The following OGFOD1 variants were observed in gnomAD, a reference collection of about 807,000 sequenced individuals.
OGFOD1 encodes the protein 2-oxoglutarate and iron dependent oxygenase domain containing 1.
OGFOD1 carries 54 observed loss-of-function variants against 67.7 expected under a neutral mutation model. The ratio of observed to expected loss-of-function variants is 0.80; its 90% CI spans 0.64 to 1.00. OGFOD1 has a LOEUF of 1.00. Among genes scored for constraint, OGFOD1 ranks in the 50% least tolerant of loss-of-function variants. The pLI is 0.00. For missense variants in OGFOD1, 606 were observed against 646.7 expected, an observed-to-expected ratio of 0.94 and a Z score of 0.68; for synonymous variants, 221 against 227.0, an observed-to-expected ratio of 0.97 and a Z score of 0.24.
At position 56,466,932 on chromosome 16, in the gene OGFOD1, GT is replaced by G; in HGVS notation, c.626del (p.Phe209SerfsTer25). ...KSLIPSWNKL[V>X]FFEVSPVSFH... The stretch of plus-strand genomic sequence containing the variant: ...TCTTATCCCTTCGTGGAACAAACTG[GT>G]TTTCTTTGAAGTATCTCCTGTGTCC... On this transcript the variant is annotated frameshift_variant, in exon 6 of 13. Transcript: ENST00000566157. LOFTEE classifies it high-confidence loss of function. 6.2e-7 allele frequency: 1 copy of G among 1,613,852 alleles called. No individual in the cohort carries two copies. Among genetic ancestry groups the G allele is most frequent in the Non-Finnish European group, 8.5e-7 (1 of 1,179,762 alleles).
At chr16:56,466,465 C>T (rs1962904302) in intron 5 of OGFOD1, among the ~76,000 whole-genome samples, 197 bp downstream of exon 5, 1 of 152,154 alleles carries the variant, frequency 6.6e-6, no homozygotes, top group African/African-American at 2.4e-5. Context: ...TTAAAAATGA[C>T]TCCAGAGATC....
chr16:56,454,834 A>G (rs1175428117), intron 2 of OGFOD1: 1 of 423,182 alleles, frequency 2.4e-6, no homozygotes. Flanking sequence ...TTTGGACCTT[A>G]TACACATGAC....
At chr16:56,467,035 G>T in intron 6 of OGFOD1, 68 bp downstream of exon 6, 1 of 1,538,684 alleles carries the variant, frequency 6.5e-7, no homozygotes, top group South Asian at 1.1e-5. Flanking sequence ...ATCCAAACAT[G>T]ACAGCTTCCT....
Position 56,467,747 on chromosome 16 carries a change from T to TCA in OGFOD1, c.787-158_787-157insCA, listed in dbSNP as rs575895456. ...CGGCCTACACTTTTCTTAAGTAAAC[T>TCA]TTTGAGAGTGTCTTTCTCAAGCAGA... On this transcript the variant is annotated intron_variant, in intron 7 of 12. Transcript: ENST00000566157. 2.0e-3 allele frequency among the ~76,000 whole-genome samples: 301 copies of TCA among 152,246 alleles called. 2 individuals are homozygous for TCA. The highest frequency in any genetic ancestry group is 0.018 in the Admixed American group (272 of 15,286).
At position 56,470,061 on chromosome 16, in the gene OGFOD1, G is replaced by C. The variant is rs1477147854; in HGVS notation, c.959G>C (p.Ser320Thr). The change falls in exon 9 of 13, where the codon AGC (serine) becomes ACC (threonine). Residue 320 changes from serine (S) to threonine (T), a missense_variant. Physicochemically the swap from Ser to Thr is moderately conservative, Grantham distance 58 (BLOSUM62 1). Coordinates refer to ENST00000566157, the MANE Select transcript of OGFOD1 (RefSeq NM_018233.4). ...GAGCATGGACATGTGGAATGGAGCA[G>C]CCGAGGTCCCCCTAACAAAAGGTAG... ...ALEHGHVEWS[S>T]RGPPNKRFYE... 1.2e-6 allele frequency: 2 copies of C among 1,613,938 alleles called. No individual in the cohort carries two copies. Among genetic ancestry groups the C allele is most frequent in the Non-Finnish European group, 1.7e-6 (2 of 1,179,982 alleles).
chr16:56,463,921 T>C (rs1386859161), intron 4 of OGFOD1, among the ~76,000 whole-genome samples: 1 of 152,190 alleles, frequency 6.6e-6, no homozygotes, highest in Non-Finnish European at 1.5e-5. Flanking sequence ...GAAATTTACG[T>C]TGATGCCTTA....
chr16:56,457,156 A>G (rs192178391), intron 2 of OGFOD1, among the ~76,000 whole-genome samples: 2 of 152,384 alleles, frequency 1.3e-5, no homozygotes, highest in African/African-American at 4.8e-5. Context: ...TAGCAGCTTT[A>G]TAATTGCCAA....
chr16:56,457,137 A>C (rs576184343), intron 2 of OGFOD1, among the ~76,000 whole-genome samples: 63 of 152,392 alleles, frequency 4.1e-4, no homozygotes, highest in African/African-American at 1.5e-3. Context: ...ACTTGTGCAC[A>C]AATGTTCATA....
intron 10 of OGFOD1, 66 bp from the exon 11 acceptor site, chr16:56,474,762 C>T: frequency 7.5e-7 from 1 of 1,337,242 alleles, no homozygotes; most frequent in East Asian, 2.4e-5. Context: ...ATTATGATTC[C>T]CTTGCAATCC....
At chr16:56,454,688 ATTT>A in intron 2 of OGFOD1, 2 of 317,684 alleles carry the variant, frequency 6.3e-6, no homozygotes, top group South Asian at 2.4e-5. Context: ...ATGAAGAATA[ATTT>A]TTTTTTTTGC....
chr16:56,465,290 G>A (rs1962857973), intron 4 of OGFOD1, among the ~76,000 whole-genome samples: 2 of 152,090 alleles, frequency 1.3e-5, no homozygotes, highest in South Asian at 2.1e-4. Flanking sequence ...GTGAGCCACC[G>A]TGCCCGGCCT....
chr16:56,454,313 A>T (rs1412158963), intron 2 of OGFOD1, among the ~76,000 whole-genome samples: 1 of 152,116 alleles, frequency 6.6e-6, no homozygotes, highest in African/African-American at 2.4e-5. Flanking sequence ...ACATCATTGC[A>T]CTCCAACCTG....
rs1963098194 is a variant in OGFOD1, at chr16:56,470,095, A to G, written c.980+13A>G. ...CCCCTAACAAAAGGTAGAACCCGTC[A>G]TCTGAGATATTTGCTTCTACATTCA... On this transcript the variant is annotated intron_variant, in intron 9 of 12. Transcript: ENST00000566157. 3.1e-6 allele frequency: 5 copies of G among 1,610,958 alleles called. No individual in the cohort carries two copies. Among genetic ancestry groups the G allele is most frequent in the Non-Finnish European group, 4.2e-6 (5 of 1,177,208 alleles).
At position 56,467,313 on chromosome 16, in the gene OGFOD1, T is replaced by C. The variant is rs752237872; in HGVS notation, c.786+20T>C. The C allele has an allele frequency of 6.2e-7, 1 of 1,613,802 alleles. No individual in the cohort carries two copies. The highest frequency in any genetic ancestry group is 1.3e-5 in the African/African-American group (1 of 75,026). ...CAAGATGTAAGAAGAATTGCTGATA[T>C]CCTTATCTTAGGAGCTATAGCATAT... On this transcript the variant is annotated intron_variant, in intron 7 of 12. Coordinates refer to ENST00000566157, the MANE Select transcript of OGFOD1 (RefSeq NM_018233.4).
intron 2 of OGFOD1, among the ~76,000 whole-genome samples, chr16:56,456,443 C>A (rs981646270): frequency 1.3e-5 from 2 of 152,204 alleles, no homozygotes; most frequent in African/African-American, 2.4e-5. Flanking sequence ...GGTCTTCTCC[C>A]TCTAAATCTG....
intron 8 of OGFOD1, among the ~76,000 whole-genome samples, chr16:56,468,824 T>G (rs1421199541): frequency 6.6e-6 from 1 of 152,232 alleles, no homozygotes; most frequent in African/African-American, 2.4e-5. Context: ...GGGTATTTAT[T>G]TTGTCTTCAG....
intron 1 of OGFOD1, among the ~76,000 whole-genome samples, chr16:56,452,600 A>G (rs1962378577): frequency 1.3e-5 from 2 of 152,178 alleles, no homozygotes; most frequent in African/African-American, 4.8e-5. Flanking sequence ...CTTAGTGTTT[A>G]AGTGCAGGCT....
chr16:56,468,765 G>T (rs1963015128), intron 8 of OGFOD1, among the ~76,000 whole-genome samples: 1 of 151,288 alleles, frequency 6.6e-6, no homozygotes, highest in Non-Finnish European at 1.5e-5. Flanking sequence ...TTATTCTCAT[G>T]CCCTGGCTCT....
intron 10 of OGFOD1, among the ~76,000 whole-genome samples, chr16:56,471,901 C>T (rs547357537): frequency 1.3e-5 from 2 of 152,326 alleles, no homozygotes; most frequent in South Asian, 4.1e-4. Context: ...GAACCAGAGT[C>T]AGTATCCATG....
Sources: allele counts gnomAD v4.1 joint callset (sites outside exome capture counted in the v4.1 genomes callset), GRCh38; gene constraint gnomAD v4.1.1; transcripts MANE v1.5; gene names NCBI Gene and HGNC (gene_info 2026-07-23, HGNC 2026-07-21).